Variants in RIT2 observed in about 807,000 individuals in gnomAD.
RIT2 encodes the protein GTP-binding protein Rit2.
In RIT2, 24 loss-of-function variants were observed where a neutral mutation model predicts 23.7. That is an observed-to-expected ratio of 1.01 (90% CI 0.73 to 1.43). The LOEUF is 1.43. Among genes scored for constraint, RIT2 ranks in the 40% most tolerant of loss-of-function variants. The pLI is 0.00. For missense variants in RIT2, 236 were observed against 266.9 expected (o/e 0.88, Z 0.81); for synonymous variants, 107 against 91.1 (o/e 1.17, Z -0.99).
intron 1 of RIT2, among the ~76,000 whole-genome samples, chr18:43,049,846 G>C (rs929574347): frequency 6.6e-6 from 1 of 151,858 alleles, no homozygotes; most frequent in Admixed American, 6.6e-5. Flanking sequence ...CAGACTGGAT[G>C]TAAGGTGTAC....
At chr18:42,854,281 C>T (rs1413022256) in intron 4 of RIT2, among the ~76,000 whole-genome samples, 1 of 152,076 alleles carries the variant, frequency 6.6e-6, no homozygotes, top group African/African-American at 2.4e-5. Context: ...ATGATATAAC[C>T]TTAGTTTGAT....
intron 2 of RIT2, among the ~76,000 whole-genome samples, chr18:42,981,924 G>A (rs1214444750): frequency 1.3e-5 from 2 of 152,096 alleles, no homozygotes; most frequent in African/African-American, 4.8e-5. Context: ...CACAAAGGTT[G>A]TTCATTGTGT....
intron 4 of RIT2, among the ~76,000 whole-genome samples, chr18:42,759,678 A>G (rs1167836903): frequency 6.6e-6 from 1 of 150,674 alleles, no homozygotes; most frequent in Non-Finnish European, 1.5e-5. Context: ...AAGACCTTAG[A>G]CAGCTAGAGC....
intron 2 of RIT2, among the ~76,000 whole-genome samples, chr18:42,976,644 T>C (rs1377088260): frequency 6.6e-6 from 1 of 152,046 alleles, no homozygotes; most frequent in Non-Finnish European, 1.5e-5. Context: ...TTGTATGTAA[T>C]AAATACAAGA....
At chr18:42,983,019 T>G (rs2144216329) in intron 2 of RIT2, among the ~76,000 whole-genome samples, 1 of 152,218 alleles carries the variant, frequency 6.6e-6, no homozygotes, top group East Asian at 1.9e-4. Flanking sequence ...AATAGAATTT[T>G]AATTCCACAA....
chr18:42,951,085 C>T (rs549635104), intron 3 of RIT2, among the ~76,000 whole-genome samples: 46 of 152,044 alleles, frequency 3.0e-4, no homozygotes, highest in African/African-American at 9.2e-4. Flanking sequence ...CAAAAGGAAA[C>T]AAATCTTTCT....
intron 4 of RIT2, among the ~76,000 whole-genome samples, chr18:42,800,189 A>C (rs918372970): frequency 1.3e-5 from 2 of 152,182 alleles, no homozygotes; most frequent in African/African-American, 4.8e-5. Context: ...TAGGACTACA[A>C]ATTCGATCAT....
In RIT2 at chr18:43,108,411, C is replaced by T. The variant is rs187352842; in HGVS notation, c.103+7006G>A. Among the ~76,000 whole-genome samples, 35 of 151,926 alleles carry T rather than the reference C, an allele frequency of 2.3e-4. No individual in the cohort carries two copies. The East Asian group carries it at 4.7e-3, about 20-fold the overall frequency. The stretch of plus-strand genomic sequence containing the variant: ...ACTTATAAAACGCAGACAGTAAAGC[C>T]TTCCTCACAAGATCAAGGCAGGGTG... On this transcript the variant is annotated intron_variant, in intron 1 of 4. Coordinates refer to ENST00000326695, the MANE Select transcript of RIT2 (RefSeq NM_002930.4).
chr18:42,970,784 C>A (rs567886256), intron 3 of RIT2, among the ~76,000 whole-genome samples: 1 of 151,836 alleles, frequency 6.6e-6, no homozygotes, highest in Admixed American at 6.6e-5. Context: ...TTAATCAAAC[C>A]TGAGCATAAA....
chr18:42,747,200 A>T (rs926994824), intron 4 of RIT2, among the ~76,000 whole-genome samples: 26 of 152,024 alleles, frequency 1.7e-4, no homozygotes, highest in African/African-American at 6.3e-4. Flanking sequence ...TCAGCAAATT[A>T]CAGGATACAA....
chr18:42,924,728 G>T (rs1296896731), intron 3 of RIT2, among the ~76,000 whole-genome samples: 3 of 151,994 alleles, frequency 2.0e-5, no homozygotes, highest in African/African-American at 4.8e-5. Flanking sequence ...TGTGTTTGAA[G>T]AATTTGAGAA....
intron 1 of RIT2, among the ~76,000 whole-genome samples, chr18:43,041,676 G>A (rs1912131877): frequency 6.6e-6 from 1 of 151,912 alleles, no homozygotes; most frequent in Admixed American, 6.6e-5. Flanking sequence ...CTTTTTTCAT[G>A]CACATATTTT....
chr18:42,882,331 A>G (rs1907916214), intron 4 of RIT2, among the ~76,000 whole-genome samples: 1 of 152,164 alleles, frequency 6.6e-6, no homozygotes, highest in Non-Finnish European at 1.5e-5. Context: ...GCTACTACAT[A>G]TTTGGAGGCT....
chr18:43,005,037 A>G (rs972921705), intron 2 of RIT2, among the ~76,000 whole-genome samples: 7 of 151,790 alleles, frequency 4.6e-5, no homozygotes, highest in African/African-American at 1.7e-4. Flanking sequence ...GGCCCTTTAA[A>G]CAAATCAATG....
intron 4 of RIT2, among the ~76,000 whole-genome samples, chr18:42,792,912 A>G (rs189312310): frequency 5.3e-4 from 80 of 152,232 alleles, no homozygotes; most frequent in Non-Finnish European, 9.4e-4. Flanking sequence ...CCTGTGCAAA[A>G]CTGCAGTGAG....
At chr18:42,900,308 T>G (rs1012445941) in intron 4 of RIT2, among the ~76,000 whole-genome samples, 2 of 152,082 alleles carry the variant, frequency 1.3e-5, no homozygotes, top group African/African-American at 4.8e-5. Flanking sequence ...TAAAATAATG[T>G]CTCTGGGGCT....
intron 4 of RIT2, among the ~76,000 whole-genome samples, chr18:42,786,197 T>C (rs1230287292): frequency 6.6e-6 from 1 of 150,982 alleles, no homozygotes; most frequent in African/African-American, 2.4e-5. Flanking sequence ...AATTATTTTT[T>C]CCAAGTTAAG....
At chr18:43,095,756 G>A (rs1350607025) in intron 1 of RIT2, among the ~76,000 whole-genome samples, 1 of 151,888 alleles carries the variant, frequency 6.6e-6, no homozygotes, top group Non-Finnish European at 1.5e-5. Flanking sequence ...CAGATTCTAA[G>A]TATTAACTCA....
In RIT2 at chr18:42,829,866, T is replaced by G. The variant is rs8085218; in HGVS notation, c.427-86146A>C. Among the ~76,000 whole-genome samples the G allele has an allele frequency of 9.8e-3, 1,481 of 151,882 alleles. 30 individuals are homozygous for G. Among genetic ancestry groups the G allele is most frequent in the African/African-American group, 0.034 (1,406 of 41,446 alleles). On this transcript the variant is annotated intron_variant, in intron 4 of 4. Coordinates refer to ENST00000326695, the MANE Select transcript of RIT2 (RefSeq NM_002930.4). ...GAGGATTAAAAGAACAGGAAATAAA[T>G]CAATGGTAAAGTTGAAATGAAAAAG...
Sources: gnomAD v4.1 joint callset for allele counts (sites outside exome capture counted in the v4.1 genomes callset) on GRCh38, gnomAD v4.1.1 for gene constraint, MANE v1.5 for transcripts, NCBI Gene and HGNC (gene_info 2026-07-23, HGNC 2026-07-21) for gene names.